The following ADGRV1 variants were observed in gnomAD, a reference collection of about 807,000 sequenced individuals.
The protein encoded by ADGRV1 is adhesion G protein-coupled receptor V1.
Under a neutral mutation model 596.2 loss-of-function variants are expected in ADGRV1, and 359 were observed. That is an observed-to-expected ratio of 0.60 (90% CI 0.55 to 0.66). ADGRV1 has a LOEUF of 0.66. Ranked by LOEUF, ADGRV1 falls within the 30% of genes least tolerant of loss-of-function variation. The probability of loss-of-function intolerance (pLI) is 0.00; values close to 1 mark genes in which losing one functional copy is unlikely to be tolerated. For synonymous variants in ADGRV1, 2,681 were observed against 2,679.2 expected (o/e 1.00, Z -0.02); for missense variants, 7,274 against 7,575.6 (o/e 0.96, Z 1.48).
intron 31 of ADGRV1, among the ~76,000 whole-genome samples, chr5:90,691,300 T>C (rs1046414052): frequency 8.3e-5 from 12 of 143,818 alleles, no homozygotes; most frequent in Non-Finnish European, 1.7e-4. Context: ...ACATTTTGGT[T>C]AAAAGGTTAA....
intron 85 of ADGRV1, among the ~76,000 whole-genome samples, chr5:91,020,500 C>T (rs10058411): frequency 1.3e-5 from 2 of 151,974 alleles, no homozygotes; most frequent in Non-Finnish European, 2.9e-5. Flanking sequence ...AACTTAGGGA[C>T]CTTAATGACT....
At chr5:90,994,560 T>C (rs1341591635) in intron 85 of ADGRV1, among the ~76,000 whole-genome samples, 1 of 152,240 alleles carries the variant, frequency 6.6e-6, no homozygotes, top group East Asian at 1.9e-4. Context: ...CTGGGTTGCC[T>C]GAGGGATAGT....
At chr5:90,829,381 C>T (rs558731614) in intron 77 of ADGRV1, among the ~76,000 whole-genome samples, 195 bp downstream of exon 77, 39 of 152,232 alleles carry the variant, frequency 2.6e-4, no homozygotes, top group Non-Finnish European at 5.0e-4. Context: ...TGTTTTAAAA[C>T]GACAGACTTC....
In ADGRV1 at chr5:90,567,090, T is replaced by G. The variant is rs542505629; in HGVS notation, c.22+8173T>G. 5.3e-5 allele frequency among the ~76,000 whole-genome samples: 8 copies of G among 152,288 alleles called. No individual in the cohort carries two copies. The East Asian group carries it at 1.5e-3, about 29-fold the overall frequency. ...TCCCTCTGCTTTTTTTCTATTAATT[T>G]GGTACATTGCATTAATTGGTTCTTG... is the stretch of plus-strand genomic sequence containing the variant. On this transcript the variant is annotated intron_variant, in intron 1 of 89. Transcript: ENST00000405460.
intron 83 of ADGRV1, among the ~76,000 whole-genome samples, chr5:90,924,304 C>G (rs1774192798): frequency 6.6e-6 from 1 of 150,806 alleles, no homozygotes; most frequent in Non-Finnish European, 1.5e-5. Context: ...TGTTTCCTGA[C>G]TTTTTAATGA....
intron 85 of ADGRV1, among the ~76,000 whole-genome samples, chr5:91,039,008 A>G (rs1470742817): frequency 2.0e-5 from 3 of 152,156 alleles, no homozygotes; most frequent in Non-Finnish European, 4.4e-5. Context: ...ATTCTGAGAA[A>G]AGTATGCTCT....
chr5:91,075,620 C>T (rs1034441717), intron 86 of ADGRV1, among the ~76,000 whole-genome samples: 5 of 152,142 alleles, frequency 3.3e-5, no homozygotes, highest in African/African-American at 1.2e-4. Flanking sequence ...TTTCTAATTC[C>T]CCTATTCCCA....
chr5:91,069,179 A>G (rs745543303), intron 85 of ADGRV1, among the ~76,000 whole-genome samples: 3 of 152,188 alleles, frequency 2.0e-5, no homozygotes, highest in Non-Finnish European at 2.9e-5. Flanking sequence ...ACCTACAACT[A>G]TAAAACTCCC....
intron 89 of ADGRV1, among the ~76,000 whole-genome samples, chr5:91,155,054 A>T (rs571106120): frequency 6.6e-6 from 1 of 152,326 alleles, no homozygotes; most frequent in African/African-American, 2.4e-5. Context: ...CTATACTCAG[A>T]TTAGTGCTTA....
chr5:91,099,990 C>A (rs1791226670), intron 86 of ADGRV1, among the ~76,000 whole-genome samples: 1 of 152,168 alleles, frequency 6.6e-6, no homozygotes, highest in South Asian at 2.1e-4. Flanking sequence ...CTAAAAGAAA[C>A]CAGGACTGGG....
chr5:90,808,357 T>C (rs1448051669), intron 73 of ADGRV1, among the ~76,000 whole-genome samples: 1 of 152,198 alleles, frequency 6.6e-6, no homozygotes, highest in Non-Finnish European at 1.5e-5. Flanking sequence ...CTGTGTAACT[T>C]TGAGAAAATT....
At chr5:90,619,034 A>G in intron 3 of ADGRV1, 52 bp from the exon 4 acceptor site, 1 of 848,436 alleles carries the variant, frequency 1.2e-6, no homozygotes, top group Non-Finnish European at 1.7e-6. Flanking sequence ...TAAATTTTTA[A>G]CTTATTATTT....
intron 27 of ADGRV1, among the ~76,000 whole-genome samples, chr5:90,682,596 A>G (rs1580720060): frequency 1.3e-5 from 2 of 152,346 alleles, no homozygotes; most frequent in African/African-American, 4.8e-5. Flanking sequence ...ATATCACTCA[A>G]ACATATCCTT....
rs1157247815 is a variant in ADGRV1 at position 91,102,427 on chromosome 5, C to T, written c.18432+87C>T. 4 of 1,183,638 alleles carry T rather than the reference C, an allele frequency of 3.4e-6. No homozygotes were observed. In the African/African-American group the frequency reaches 6.2e-5, roughly 18 times the overall value. 73.3% of individuals were successfully genotyped at this position (1,183,638 alleles called of 1,614,324 possible). The stretch of plus-strand genomic sequence containing the variant: ...ATTTCAATATTAAAGAGTCAAGCAT[C>T]CACACACAGGTGAATTTGTGTACAT... On this transcript the variant is annotated intron_variant, in intron 87 of 89. Coordinates refer to ENST00000405460, the MANE Select transcript of ADGRV1 (RefSeq NM_032119.4).
intron 83 of ADGRV1, among the ~76,000 whole-genome samples, chr5:90,940,074 T>G (rs1776042484): frequency 6.6e-6 from 1 of 152,222 alleles, no homozygotes. Flanking sequence ...CATTGTCGAC[T>G]TGTTTTCTTC....
chr5:90,560,874 T>C (rs538225785), intron 1 of ADGRV1, among the ~76,000 whole-genome samples: 30 of 152,274 alleles, frequency 2.0e-4, no homozygotes, highest in Admixed American at 3.3e-4. Flanking sequence ...GGGCAGAAGC[T>C]AGTATTAAGC....
chr5:90,927,757 C>A (rs1581539452), intron 83 of ADGRV1, among the ~76,000 whole-genome samples: 1 of 152,124 alleles, frequency 6.6e-6, no homozygotes. Context: ...CTTGATTTTG[C>A]AGTGGCTGGT....
intron 44 of ADGRV1, among the ~76,000 whole-genome samples, 174 bp downstream of exon 44, chr5:90,720,397 T>A (rs1350518764): frequency 1.3e-5 from 2 of 152,232 alleles, no homozygotes; most frequent in African/African-American, 4.8e-5. Context: ...ACTGGGAGTA[T>A]CAAAAACCTA....
chr5:90,959,268 AG>A (rs1777763685), intron 83 of ADGRV1, among the ~76,000 whole-genome samples: 1 of 152,148 alleles, frequency 6.6e-6, no homozygotes, highest in African/African-American at 2.4e-5. Flanking sequence ...TAAAAGAATT[AG>A]GGGTAAATCT....
Sources: gnomAD v4.1 joint callset for allele counts (sites outside exome capture counted in the v4.1 genomes callset) on GRCh38, gnomAD v4.1.1 for gene constraint, MANE v1.5 for transcripts, NCBI Gene and HGNC (gene_info 2026-07-23, HGNC 2026-07-21) for gene names.